Variants in SLC13A4 observed in about 807,000 individuals in gnomAD.
SLC13A4 encodes Na(+)/sulfate cotransporter SUT-1.
A neutral mutation model predicts 72.7 loss-of-function variants in SLC13A4; 28 were observed. The observed-to-expected ratio is 0.39, with a 90% CI of 0.29 to 0.53. SLC13A4 has a LOEUF of 0.53. Among genes scored for constraint, SLC13A4 ranks in the 20% least tolerant of loss-of-function variants. The pLI, the probability that SLC13A4 is intolerant of heterozygous loss-of-function variation, is 0.78. For missense variants in SLC13A4, 653 were observed against 788.0 expected (o/e 0.83, Z 2.05); for synonymous variants, 312 against 325.5 (o/e 0.96, Z 0.45).
intron 12 of SLC13A4, 68 bp from the exon 13 acceptor site, chr7:135,691,393 A>G: frequency 2.3e-6 from 3 of 1,290,674 alleles, no homozygotes; most frequent in Non-Finnish European, 3.1e-6. Context: ...CAGGAGCCTA[A>G]TTGGTGAAGT....
intron 13 of SLC13A4, among the ~76,000 whole-genome samples, chr7:135,689,802 A>C (rs777245896): frequency 8.5e-5 from 13 of 152,120 alleles, no homozygotes; most frequent in Non-Finnish European, 1.9e-4. Context: ...GGCAGGAGAT[A>C]GGACTCATTG....
intron 14 of SLC13A4, among the ~76,000 whole-genome samples, chr7:135,684,934 C>T (rs1373341013): frequency 3.3e-5 from 5 of 152,156 alleles, no homozygotes; most frequent in East Asian, 3.9e-4. Context: ...ATCACCTTTC[C>T]GGCTGCTTGG....
intron 5 of SLC13A4, 136 bp downstream of exon 5, chr7:135,705,460 T>TG (rs1198486404): frequency 1.2e-4 from 63 of 539,212 alleles, no homozygotes; most frequent in Middle Eastern, 5.3e-4. Context: ...TTGGGCGGGG[T>TG]GGGGGGGTGG....
Position 135,681,485 on chromosome 7 carries a change from G to A in SLC13A4, c.*78C>T. The A allele has an allele frequency of 6.5e-7, 1 of 1,548,210 alleles. No individual in the cohort carries two copies. Among genetic ancestry groups the A allele is most frequent in the South Asian group, 1.2e-5 (1 of 80,488 alleles). On this transcript the variant is annotated 3_prime_UTR_variant, in exon 16 of 16. Transcript: ENST00000682651. The stretch of plus-strand genomic sequence containing the variant: ...GGGTTGTGTGCTCCTGGTGGTCCTA[G>A]TGGTTTTCTTTGCCTGTGGTCCAGA...
At chr7:135,721,627 G>T in intron 1 of SLC13A4, 104 bp from the exon 2 acceptor site, 1 of 1,453,800 alleles carries the variant, frequency 6.9e-7, no homozygotes, top group Non-Finnish European at 9.4e-7. Context: ...ACTGTAACGC[G>T]GGTACTAGGA....
chr7:135,691,743 T>C, intron 11 of SLC13A4, 98 bp from the exon 12 acceptor site: 1 of 785,996 alleles, frequency 1.3e-6, no homozygotes, highest in South Asian at 1.6e-5. Flanking sequence ...TGCCTCTTTT[T>C]AGGACTTATC....
At chr7:135,720,862 A>G (rs1796531581) in intron 2 of SLC13A4, among the ~76,000 whole-genome samples, 1 of 152,204 alleles carries the variant, frequency 6.6e-6, no homozygotes, top group African/African-American at 2.4e-5. Flanking sequence ...AAAGAAAGTA[A>G]CCTTAAGTCG....
At chr7:135,692,166 T>C in intron 11 of SLC13A4, 157 bp downstream of exon 11, 2 of 658,024 alleles carry the variant, frequency 3.0e-6, no homozygotes, top group Non-Finnish European at 5.4e-6. Context: ...AGAGTGTTTT[T>C]CCTTCCTGAT....
At chr7:135,699,202 A>G (rs1461557189) in intron 8 of SLC13A4, among the ~76,000 whole-genome samples, 162 bp downstream of exon 8, 5 of 152,060 alleles carry the variant, frequency 3.3e-5, no homozygotes, top group Admixed American at 1.3e-4. Flanking sequence ...TGCCCTCCCA[A>G]TGTGCCTTAT....
At chr7:135,686,978 A>C (rs1407280193) in intron 13 of SLC13A4, among the ~76,000 whole-genome samples, 1 of 151,972 alleles carries the variant, frequency 6.6e-6, no homozygotes, top group African/African-American at 2.4e-5. Context: ...AATTGCTTGA[A>C]CCCGGGAGGC....
At chr7:135,682,130 G>A (rs1331068851) in intron 15 of SLC13A4, among the ~76,000 whole-genome samples, 1 of 152,194 alleles carries the variant, frequency 6.6e-6, no homozygotes, top group African/African-American at 2.4e-5. Flanking sequence ...CTTTGCTACT[G>A]TTACCTTTTT....
chr7:135,718,697 G>C (rs1796481906), intron 2 of SLC13A4, among the ~76,000 whole-genome samples: 1 of 152,168 alleles, frequency 6.6e-6, no homozygotes, highest in Non-Finnish European at 1.5e-5. Context: ...GAACGGGAGA[G>C]AACTTTCCAA....
chr7:135,712,839 T>C (rs188004562), intron 2 of SLC13A4, among the ~76,000 whole-genome samples: 39 of 152,350 alleles, frequency 2.6e-4, no homozygotes, highest in Non-Finnish European at 4.9e-4. Flanking sequence ...ATGATTGTTA[T>C]TGTTTTCTAG....
intron 6 of SLC13A4, chr7:135,702,639 G>A (rs541753249): frequency 4.0e-5 from 22 of 544,284 alleles, no homozygotes; most frequent in African/African-American, 3.8e-4. Flanking sequence ...GCCTCCCAAA[G>A]TGCTGGGAGT....
In SLC13A4 at chr7:135,681,529, G is replaced by C. The variant is rs974211155; in HGVS notation, c.*34C>G. 1 of 1,601,600 alleles carries C rather than the reference G, an allele frequency of 6.2e-7. No individual in the cohort carries two copies. The highest frequency in any genetic ancestry group is 2.2e-5 in the East Asian group (1 of 44,736). The stretch of plus-strand genomic sequence containing the variant: ...GTCCAGATACTGCTGGATACTGGCA[G>C]CTCCTGTGGTTGGGCCAGTTTGTAC... On this transcript the variant is annotated 3_prime_UTR_variant, in exon 16 of 16. Transcript: ENST00000682651.
chr7:135,721,432 A>C lies in SLC13A4; in HGVS notation c.191T>G (p.Phe64Cys). 1.2e-6 allele frequency: 2 copies of C among 1,614,062 alleles called. No individual in the cohort carries two copies. The highest frequency in any genetic ancestry group is 1.7e-6 in the Non-Finnish European group (2 of 1,179,962). ...GAGGACTCCGAAGAACGGGTAAAGG[A>C]AGGCCGGCACCAGGGCTGCAGCTCC... ...PLGAAALVPAFLYPFFGVLRS... is the reference protein window; with the variant it reads ...PLGAAALVPACLYPFFGVLRS... The change falls in exon 2 of 16, where the codon TTC becomes TGC. Residue 64 changes from phenylalanine to cysteine, a missense_variant. Physicochemically the swap from Phe to Cys is radical, Grantham distance 205. Coordinates refer to ENST00000682651, the MANE Select transcript of SLC13A4 (RefSeq NM_001318192.2).
intron 2 of SLC13A4, among the ~76,000 whole-genome samples, chr7:135,720,554 T>TAA (rs33993859): frequency 5.9e-4 from 73 of 124,240 alleles, no homozygotes; most frequent in Middle Eastern, 4.0e-3. Flanking sequence ...GCTTTTTCAT[T>TAA]AAAAAAAAAA....
rs1397716283 is a variant in SLC13A4, at chr7:135,727,509, C to G, written c.-13G>C. On this transcript the variant is annotated 5_prime_UTR_variant, in exon 1 of 16. Transcript: ENST00000682651. ...GCAGCAGGCCCATCGCGCCTCTGTC[C>G]TCTCCAGCTCGTCCTTGGACCCCGC... 2 of 1,546,752 alleles carry G rather than the reference C, an allele frequency of 1.3e-6. No individual in the cohort carries two copies. The highest frequency in any genetic ancestry group is 1.7e-6 in the Non-Finnish European group (2 of 1,143,850).
intron 1 of SLC13A4, among the ~76,000 whole-genome samples, chr7:135,724,071 A>T (rs1489012580): frequency 6.6e-6 from 1 of 152,232 alleles, no homozygotes; most frequent in Non-Finnish European, 1.5e-5. Context: ...GAAGAGAAAG[A>T]GTTGAGAGAC....
Sources: allele counts gnomAD v4.1 joint callset (sites outside exome capture counted in the v4.1 genomes callset), GRCh38; gene constraint gnomAD v4.1.1; transcripts MANE v1.5; gene names NCBI Gene and HGNC (gene_info 2026-07-23, HGNC 2026-07-21).